Variants in ADGRD2 observed in about 807,000 individuals in gnomAD.
ADGRD2 encodes the protein adhesion G protein-coupled receptor D2.
Under a neutral mutation model 44.4 loss-of-function variants are expected in ADGRD2, and 71 were observed. That is an observed-to-expected ratio of 1.60 (90% confidence interval 1.32 to 1.95). The LOEUF (loss-of-function observed/expected upper bound fraction) is 1.95. Ranked by LOEUF, ADGRD2 falls within the 30% of genes most tolerant of loss-of-function variation. The pLI is 0.00. For synonymous variants in ADGRD2, 481 were observed against 224.8 expected, an observed-to-expected ratio of 2.14 and a Z score of -10.19; for missense variants, 1,039 against 512.4, an observed-to-expected ratio of 2.03 and a Z score of -9.92.
In ADGRD2 at chr9:124,454,113, A is replaced by G. The variant is rs1249313216; in HGVS notation, c.1022+16A>G. The G allele has an allele frequency of 4.5e-6, 3 of 672,654 alleles. No homozygotes were observed. Among genetic ancestry groups the G allele is most frequent in the Non-Finnish European group, 8.2e-6 (3 of 365,816 alleles). 41.7% of individuals were successfully genotyped at this position (672,654 alleles called of 1,614,324 possible). On this transcript the variant is annotated intron_variant, in intron 4 of 21. Coordinates refer to ENST00000334810, the Ensembl canonical transcript of ADGRD2. The surrounding 1 kb of genome is among the most constrained non-coding windows in gnomAD (Gnocchi z 4.5). ...TACCGGACAGGTGCGCCCTGGCTGT[A>G]CCCCTGGGCTCTGCTGAAGGGAAAG...
At chr9:124,458,679 G>A (rs1348646524) in exon 10 of ADGRD2, 1 of 718,686 alleles carries the variant, frequency 1.4e-6, no homozygotes, top group African/African-American at 1.7e-5. Context: ...TCACTGGAGA[G>A]GTCAACGTGG....
intron 19 of ADGRD2, among the ~76,000 whole-genome samples, chr9:124,475,843 A>C (rs1832041113): frequency 6.6e-6 from 1 of 152,144 alleles, no homozygotes; most frequent in Non-Finnish European, 1.5e-5. Context: ...AGTGCCGCCC[A>C]GTGCCTCAGT....
At chr9:124,476,695 C>A (rs1434159911) in exon 21 of ADGRD2, 1 of 702,250 alleles carries the variant, frequency 1.4e-6, no homozygotes, top group African/African-American at 1.7e-5. Context: ...GAACTGACAG[C>A]GTTCAAAGCT....
At chr9:124,461,773 A>G (rs917242143) in intron 10 of ADGRD2, among the ~76,000 whole-genome samples, 1 of 149,796 alleles carries the variant, frequency 6.7e-6, no homozygotes, top group Non-Finnish European at 1.5e-5. Flanking sequence ...TTTGAGATGG[A>G]GTCTCACTCT....
exon 21 of ADGRD2, chr9:124,476,695 C>G (rs1434159911): frequency 1.4e-6 from 1 of 702,368 alleles, no homozygotes; most frequent in Admixed American, 2.0e-5. Flanking sequence ...GAACTGACAG[C>G]GTTCAAAGCT....
At chr9:124,471,054 T>C (rs569535696) in intron 17 of ADGRD2, among the ~76,000 whole-genome samples, 1 of 152,262 alleles carries the variant, frequency 6.6e-6, no homozygotes, top group East Asian at 1.9e-4. Flanking sequence ...AGGAGGCCAG[T>C]TCATGAGGCC....
intron 21 of ADGRD2, among the ~76,000 whole-genome samples, chr9:124,477,458 C>T (rs968610023): frequency 6.6e-6 from 1 of 152,244 alleles, no homozygotes; most frequent in African/African-American, 2.4e-5. Flanking sequence ...CCCAGGCACC[C>T]AGTGATTCTG....
intron 13 of ADGRD2, 40 bp from the exon 17 acceptor site, chr9:124,468,479 C>A (rs558580911): frequency 3.3e-4 from 237 of 717,518 alleles, no homozygotes; most frequent in Admixed American, 8.6e-4. Context: ...GCACCTGCGT[C>A]TGACCTCGGA....
intron 17 of ADGRD2, among the ~76,000 whole-genome samples, chr9:124,471,385 G>A (rs1831943042): frequency 6.6e-6 from 1 of 152,230 alleles, no homozygotes; most frequent in Admixed American, 6.5e-5. Flanking sequence ...GCCAGGCTCA[G>A]GAAGTCAGGT....
At position 124,469,610 on chromosome 9, in the gene ADGRD2, G is replaced by T. The variant is rs1831906792; in HGVS notation, c.2637+63G>T. The T allele has an allele frequency of 7.1e-6, 5 of 706,182 alleles. No homozygotes were observed. The East Asian group carries it at 1.3e-4, about 19-fold the overall frequency. 43.7% of individuals were successfully genotyped at this position (706,182 alleles called of 1,614,324 possible). A position where few individuals can be genotyped will look rare whatever the true frequency, so the allele number is the denominator to read the frequency against. ...AGTGCACAGTCAGCCGGCGCCAGGC[G>T]TGAGGCTCACTGGGCGAGAGCACGT... On this transcript the variant is annotated intron_variant, in intron 16 of 21. Coordinates refer to ENST00000334810, the Ensembl canonical transcript of ADGRD2.
At chr9:124,473,943 G>C (rs73594003) in intron 17 of ADGRD2, among the ~76,000 whole-genome samples, 1 of 152,082 alleles carries the variant, frequency 6.6e-6, no homozygotes, top group Admixed American at 6.5e-5. Flanking sequence ...GAGGGAGTGT[G>C]GGGGGCAGAC....
At chr9:124,453,093 G>A (rs1427989097) in exon 3 of ADGRD2, 2 of 694,518 alleles carry the variant, frequency 2.9e-6, no homozygotes, top group African/African-American at 1.8e-5. Flanking sequence ...GGGCGGCGCG[G>A]CTGCGGAGCC....
intron 10 of ADGRD2, chr9:124,465,163 C>A (rs1831795053): frequency 1.3e-5 from 2 of 153,102 alleles, no homozygotes; most frequent in Non-Finnish European, 1.5e-5. Flanking sequence ...AATGCAGAGT[C>A]CTTGGCGTCC....
intron 6 of ADGRD2, among the ~76,000 whole-genome samples, chr9:124,455,459 G>A (rs763374357): frequency 1.4e-4 from 22 of 152,134 alleles, no homozygotes; most frequent in African/African-American, 4.3e-4. Context: ...GCCTGGTAGC[G>A]GGCACCTGTA....
chr9:124,471,854 T>C (rs769172067), intron 17 of ADGRD2, among the ~76,000 whole-genome samples: 2 of 152,150 alleles, frequency 1.3e-5, no homozygotes, highest in African/African-American at 2.4e-5. Flanking sequence ...AGGCAGACCA[T>C]GGCCACGATG....
chr9:124,452,105 T>C (rs1210083214), exon 1 of ADGRD2: 1 of 705,926 alleles, frequency 1.4e-6, no homozygotes, highest in African/African-American at 1.8e-5. Context: ...GGAGTCTCTC[T>C]GGGACCCCCT....
At chr9:124,452,672 C>T (rs748059092) in exon 2 of ADGRD2, 15 of 717,218 alleles carry the variant, frequency 2.1e-5, no homozygotes, top group African/African-American at 3.5e-5. Flanking sequence ...CTGCGCGATC[C>T]GGTCTGGGTG....
At chr9:124,465,484 T>G (rs553532701) in intron 10 of ADGRD2, 1 of 152,136 alleles carries the variant, frequency 6.6e-6, no homozygotes, top group Admixed American at 6.6e-5. Flanking sequence ...CCCGAGTAGC[T>G]GAGATTACAG....
chr9:124,463,751 A>T (rs1301686788), intron 10 of ADGRD2, among the ~76,000 whole-genome samples: 4 of 152,096 alleles, frequency 2.6e-5, no homozygotes, highest in African/African-American at 4.8e-5. Flanking sequence ...TTTCCTTTTC[A>T]CATCTGTAGA....
Sources: gnomAD v4.1 joint callset for allele counts (sites outside exome capture counted in the v4.1 genomes callset) on GRCh38, gnomAD v4.1.1 for gene constraint, Gnocchi (gnomAD v3.1) non-coding constraint, MANE v1.5 for transcripts, NCBI Gene and HGNC (gene_info 2026-07-23, HGNC 2026-07-21) for gene names.